WDFY3: variants seen among roughly 807,000 people sequenced by gnomAD.
WDFY3 encodes the protein WD repeat and FYVE domain-containing protein 3.
WDFY3 carries 66 observed loss-of-function variants against 409.6 expected under a neutral mutation model. The ratio of observed to expected loss-of-function variants is 0.16; its 90% CI spans 0.13 to 0.20. The LOEUF is 0.20. WDFY3 is among the 10% of genes least tolerant of loss of function. The pLI, the probability that WDFY3 is intolerant of heterozygous loss-of-function variation, is 1.00. For missense variants in WDFY3, 3,031 were observed against 4,298.1 expected (o/e 0.71, Z 8.24); for synonymous variants, 1,521 against 1,537.1 (o/e 0.99, Z 0.25).
intron 67 of WDFY3, among the ~76,000 whole-genome samples, chr4:84,673,687 G>A (rs1235495629): frequency 6.6e-6 from 1 of 152,082 alleles, no homozygotes; most frequent in African/African-American, 2.4e-5. Context: ...AGTATTCAGA[G>A]TTCCTATTCC....
intron 1 of WDFY3, among the ~76,000 whole-genome samples, chr4:84,935,704 A>G (rs1220089706): frequency 6.6e-6 from 1 of 152,188 alleles, no homozygotes; most frequent in African/African-American, 2.4e-5. Flanking sequence ...ACAGCAAGTT[A>G]GAGTACCAAT....
intron 49 of WDFY3, among the ~76,000 whole-genome samples, chr4:84,715,907 CAG>C (rs1384423055): frequency 6.7e-6 from 1 of 149,084 alleles, no homozygotes; most frequent in Non-Finnish European, 1.5e-5. Context: ...TCTTTAGTAA[CAG>C]AATAAAAAAA....
intron 1 of WDFY3, among the ~76,000 whole-genome samples, chr4:84,942,336 A>T (rs1199451741): frequency 6.6e-6 from 1 of 152,132 alleles, no homozygotes; most frequent in Non-Finnish European, 1.5e-5. Context: ...TCTTTAAACA[A>T]TAAAAAAAAA....
chr4:84,878,326 A>T (rs1161631462), intron 3 of WDFY3, among the ~76,000 whole-genome samples: 2 of 152,226 alleles, frequency 1.3e-5, no homozygotes, highest in Non-Finnish European at 2.9e-5. Flanking sequence ...TCATGACTGA[A>T]TGAGGCTGGA....
intron 21 of WDFY3, among the ~76,000 whole-genome samples, chr4:84,793,579 G>T (rs576732347): frequency 1.3e-5 from 2 of 152,206 alleles, no homozygotes; most frequent in Non-Finnish European, 2.9e-5. Flanking sequence ...AAGAGAAAGC[G>T]ATTGAAGGAA....
chr4:84,943,302 C>A (rs533137849), intron 1 of WDFY3, among the ~76,000 whole-genome samples: 1 of 152,140 alleles, frequency 6.6e-6, no homozygotes, highest in East Asian at 1.9e-4. Context: ...GAGATCGAGA[C>A]CATCCTGGCT....
chr4:84,840,474 G>C (rs556364388), intron 6 of WDFY3, among the ~76,000 whole-genome samples: 11 of 152,140 alleles, frequency 7.2e-5, no homozygotes, highest in Non-Finnish European at 1.5e-4. Flanking sequence ...CCTAACATCA[G>C]TGACAAAAGT....
intron 2 of WDFY3, among the ~76,000 whole-genome samples, chr4:84,907,151 T>G (rs906686336): frequency 6.6e-6 from 1 of 152,132 alleles, no homozygotes; most frequent in African/African-American, 2.4e-5. Context: ...GGGAGAATAA[T>G]AAATTACTGT....
At chr4:84,716,757 C>A in intron 49 of WDFY3, 139 bp downstream of exon 49, 7 of 615,522 alleles carry the variant, frequency 1.1e-5, no homozygotes, top group Non-Finnish European at 1.5e-5. Flanking sequence ...TGAGATCATG[C>A]CACTGCACTC....
intron 66 of WDFY3, among the ~76,000 whole-genome samples, chr4:84,677,623 T>A (rs1726527231): frequency 6.6e-6 from 1 of 152,166 alleles, no homozygotes. Flanking sequence ...TGCTGTATCT[T>A]TGAAGAACAG....
At chr4:84,714,453 A>G (rs969665412) in intron 50 of WDFY3, among the ~76,000 whole-genome samples, 4 of 152,166 alleles carry the variant, frequency 2.6e-5, no homozygotes, top group African/African-American at 9.7e-5. Flanking sequence ...ATAGTTTATT[A>G]AAGATAAAAA....
chr4:84,708,120 G>C (rs1184273031), intron 53 of WDFY3, among the ~76,000 whole-genome samples: 1 of 152,156 alleles, frequency 6.6e-6, no homozygotes, highest in Non-Finnish European at 1.5e-5. Flanking sequence ...CAGACAGGAG[G>C]CAAAGGAAGA....
intron 45 of WDFY3, among the ~76,000 whole-genome samples, chr4:84,726,598 T>C (rs767400197): frequency 6.6e-6 from 1 of 152,044 alleles, no homozygotes; most frequent in East Asian, 1.9e-4. Flanking sequence ...GTTTTTATAG[T>C]GAGAGCAGTG....
chr4:84,766,089 C>T, intron 31 of WDFY3, 62 bp from the exon 32 acceptor site: 1 of 1,557,404 alleles, frequency 6.4e-7, no homozygotes, highest in Non-Finnish European at 8.7e-7. Context: ...ATTAGGATTT[C>T]AAATCAAAAA....
rs1417731984 is a variant in WDFY3 at position 84,884,556 on chromosome 4, A to G, written c.-32+12355T>C. ...AAGAAATTGATCAAGAATTAACAAT[A>G]CATATATCTCAAGGATCATAATGGT... On this transcript the variant is annotated intron_variant, in intron 3 of 67. Transcript: ENST00000295888. 3.9e-5 allele frequency among the ~76,000 whole-genome samples: 6 copies of G among 152,322 alleles called. No individual in the cohort carries two copies. In the South Asian group the frequency reaches 8.3e-4, roughly 21 times the overall value.
At chr4:84,777,025 A>G (rs538608867) in intron 27 of WDFY3, among the ~76,000 whole-genome samples, 2 of 152,224 alleles carry the variant, frequency 1.3e-5, no homozygotes, top group South Asian at 4.1e-4. Flanking sequence ...ATGTGAAAGT[A>G]GAACCTATAT....
rs1455576254 is a variant in WDFY3 at position 84,844,574 on chromosome 4, A to G, written c.305-3311T>C. On this transcript the variant is annotated intron_variant, in intron 5 of 67. Coordinates refer to ENST00000295888, the MANE Select transcript of WDFY3 (RefSeq NM_014991.6). Reference sequence around the variant, plus strand: ...CACTAAATTCCACTAATCCCACCACAAGAGTACTGGGGTCAACATCATCCA... The same window carrying G: ...CACTAAATTCCACTAATCCCACCACGAGAGTACTGGGGTCAACATCATCCA... 3.2e-6 allele frequency: 4 copies of G among 1,235,636 alleles called. No individual in the cohort carries two copies. The African/African-American group carries it at 6.2e-5, about 19-fold the overall frequency. 76.5% of individuals were successfully genotyped at this position (1,235,636 alleles called of 1,614,324 possible).
At chr4:84,781,815 G>A (rs959748935) in intron 25 of WDFY3, among the ~76,000 whole-genome samples, 11 of 152,038 alleles carry the variant, frequency 7.2e-5, no homozygotes, top group Non-Finnish European at 1.2e-4. Flanking sequence ...ATAAAAGAAC[G>A]CTACCACGTG....
Position 84,734,470 on chromosome 4 carries a change from G to C in WDFY3, c.6993+573C>G, listed in dbSNP as rs141484773. 7.1e-3 allele frequency among the ~76,000 whole-genome samples: 1,086 copies of C among 152,180 alleles called. 8 individuals are homozygous for C. Among genetic ancestry groups the C allele is most frequent in the Middle Eastern group, 0.02 (6 of 294 alleles). The stretch of plus-strand genomic sequence containing the variant: ...GTGTTATATCCGTAAAATATTAGCA[G>C]TTAACCATTCAGAAACCTTTAATAG... On this transcript the variant is annotated intron_variant, in intron 43 of 67. Coordinates refer to ENST00000295888, the MANE Select transcript of WDFY3 (RefSeq NM_014991.6).
Sources: allele counts gnomAD v4.1 joint callset (sites outside exome capture counted in the v4.1 genomes callset), GRCh38; gene constraint gnomAD v4.1.1; transcripts MANE v1.5; gene names NCBI Gene and HGNC (gene_info 2026-07-23, HGNC 2026-07-21).